Variants in BCAS3 observed in about 807,000 individuals in gnomAD.
BCAS3 encodes BCAS4/BCAS3 fusion.
Under a neutral mutation model 116.1 loss-of-function variants are expected in BCAS3, and 53 were observed. That is an observed-to-expected ratio of 0.46 (90% CI 0.37 to 0.57). BCAS3 has a LOEUF of 0.57. Among genes scored for constraint, BCAS3 ranks in the 20% least tolerant of loss-of-function variants. The probability of loss-of-function intolerance (pLI) is 0.00; values close to 1 mark genes in which losing one functional copy is unlikely to be tolerated. For missense variants in BCAS3, 917 were observed against 1,165.4 expected, an observed-to-expected ratio of 0.79 and a Z score of 3.10; for synonymous variants, 391 against 408.2, an observed-to-expected ratio of 0.96 and a Z score of 0.51.
At chr17:60,981,468 A>C (rs1203525651) in intron 14 of BCAS3, among the ~76,000 whole-genome samples, 1 of 151,994 alleles carries the variant, frequency 6.6e-6, no homozygotes, top group Non-Finnish European at 1.5e-5. Context: ...TTTTTAGTAG[A>C]GACAGGGTTT....
intron 22 of BCAS3, among the ~76,000 whole-genome samples, chr17:61,320,857 C>T (rs1264007382): frequency 6.6e-6 from 1 of 151,974 alleles, no homozygotes; most frequent in Non-Finnish European, 1.5e-5. Flanking sequence ...TCAGTCTGCC[C>T]GAAACACATG....
chr17:61,040,726 C>T, intron 18 of BCAS3, 66 bp from the exon 19 acceptor site: 3 of 1,281,528 alleles, frequency 2.3e-6, no homozygotes, highest in Admixed American at 1.7e-5. Context: ...TAAGTGATGA[C>T]AGTCATGGTG....
chr17:60,983,678 T>G (rs2062953065), intron 14 of BCAS3, among the ~76,000 whole-genome samples: 1 of 152,170 alleles, frequency 6.6e-6, no homozygotes, highest in African/African-American at 2.4e-5. Flanking sequence ...AAACTCCTTT[T>G]TATTGACAGA....
chr17:61,329,501 C>T (rs928243679), intron 22 of BCAS3, among the ~76,000 whole-genome samples: 22 of 151,908 alleles, frequency 1.4e-4, no homozygotes, highest in East Asian at 3.9e-4. Flanking sequence ...CCACCACGCC[C>T]GGCTAATTTT....
rs984079202 is a variant in BCAS3 at position 61,355,757 on chromosome 17, C to T, written c.2426-12570C>T. 6.6e-6 allele frequency among the ~76,000 whole-genome samples: 1 copy of T among 152,212 alleles called. No individual in the cohort carries two copies. Among genetic ancestry groups the T allele is most frequent in the Admixed American group, 6.5e-5 (1 of 15,274 alleles). On this transcript the variant is annotated intron_variant, in intron 22 of 23. Coordinates refer to ENST00000407086, the MANE Select transcript of BCAS3 (RefSeq NM_017679.5). The surrounding 1 kb of genome is among the most constrained non-coding windows in gnomAD (Gnocchi z 4.2). ...TTAGTTATCTTACCTTTCCTGATAC[C>T]TGACCACAGACTAATTATTTGGAAT...
At chr17:61,172,957 C>A (rs1017518443) in intron 22 of BCAS3, among the ~76,000 whole-genome samples, 1 of 151,316 alleles carries the variant, frequency 6.6e-6, no homozygotes, top group African/African-American at 2.4e-5. Flanking sequence ...CACTGCACTC[C>A]AGCCTGGGCG....
At chr17:60,806,635 C>T (rs2048311059) in intron 6 of BCAS3, among the ~76,000 whole-genome samples, 1 of 151,728 alleles carries the variant, frequency 6.6e-6, no homozygotes, top group Admixed American at 6.6e-5. Flanking sequence ...CACTGCAGCC[C>T]CCAACTCTGG....
chr17:61,193,379 C>T (rs934492395), intron 22 of BCAS3, among the ~76,000 whole-genome samples: 29 of 152,074 alleles, frequency 1.9e-4, no homozygotes, highest in African/African-American at 6.3e-4. Flanking sequence ...CAATACAAGG[C>T]GGGAAAGAAC....
intron 5 of BCAS3, among the ~76,000 whole-genome samples, chr17:60,718,722 A>G (rs114740553): frequency 0.031 from 4,741 of 152,172 alleles, 239 homozygotes; most frequent in African/African-American, 0.1. Context: ...TTGGCCATTT[A>G]TATATATTTT....
Position 61,249,676 on chromosome 17 carries a change from G to A in BCAS3, c.2426-118651G>A, listed in dbSNP as rs552478305. On this transcript the variant is annotated intron_variant, in intron 22 of 23. Coordinates refer to ENST00000407086, the MANE Select transcript of BCAS3 (RefSeq NM_017679.5). The surrounding 1 kb of genome is among the most constrained non-coding windows in gnomAD (Gnocchi z 6.2). ...TCTTTTTCTCGTGTTGTTTTAGGAA[G>A]CTCAGAATTATTTAGAAATACTTGT... is the stretch of plus-strand genomic sequence containing the variant. Among the ~76,000 whole-genome samples the A allele has an allele frequency of 6.6e-6, 1 of 152,082 alleles. No individual in the cohort carries two copies. The highest frequency in any genetic ancestry group is 1.5e-5 in the Non-Finnish European group (1 of 68,018).
At chr17:61,257,930 C>T (rs74484426) in intron 22 of BCAS3, among the ~76,000 whole-genome samples, 2,080 of 152,228 alleles carry the variant, frequency 0.014, 35 homozygotes, top group African/African-American at 0.047. Context: ...TCTTTCTTAC[C>T]TCCCACTTCT....
chr17:61,046,630 G>A (rs1433065769), intron 19 of BCAS3, among the ~76,000 whole-genome samples: 1 of 151,686 alleles, frequency 6.6e-6, no homozygotes, highest in Non-Finnish European at 1.5e-5. Flanking sequence ...GTCTAGACAT[G>A]TTCGGTAGAG....
At position 60,960,694 on chromosome 17, in the gene BCAS3, G is replaced by T. The variant is rs2061368993; in HGVS notation, c.1221+13342G>T. ...CATTCATACATTTTATTGAAGGGTA[G>T]CACAGGTTTGCACCTAGGTAGCTCT... is the stretch of plus-strand genomic sequence containing the variant. On this transcript the variant is annotated intron_variant, in intron 14 of 23. Transcript: ENST00000407086. This position sits in a 1 kb window ranked among gnomAD's most constrained non-coding sequence, Gnocchi z 4.1. Among the ~76,000 whole-genome samples the T allele has an allele frequency of 6.6e-6, 1 of 151,864 alleles. No individual in the cohort carries two copies. Among genetic ancestry groups the T allele is most frequent in the Non-Finnish European group, 1.5e-5 (1 of 68,002 alleles).
At chr17:60,745,051 A>G (rs2041915846) in intron 5 of BCAS3, among the ~76,000 whole-genome samples, 1 of 152,072 alleles carries the variant, frequency 6.6e-6, no homozygotes, top group Non-Finnish European at 1.5e-5. Context: ...TGAGTACAGC[A>G]GCTCATTTAA....
At chr17:61,271,904 A>G (rs2050313487) in intron 22 of BCAS3, among the ~76,000 whole-genome samples, 1 of 151,928 alleles carries the variant, frequency 6.6e-6, no homozygotes, top group African/African-American at 2.4e-5. Context: ...CACACTCCTG[A>G]GCCCAAGCAG....
At chr17:60,985,618 A>G (rs532146722) in intron 14 of BCAS3, among the ~76,000 whole-genome samples, 2 of 152,046 alleles carry the variant, frequency 1.3e-5, no homozygotes, top group African/African-American at 4.8e-5. Flanking sequence ...GATATTATCC[A>G]TTCTTTCTAT....
rs945826131 is a variant in BCAS3 at position 61,390,458 on chromosome 17, T to G, written c.2594-1519T>G. On this transcript the variant is annotated intron_variant, in intron 23 of 23. Transcript: ENST00000407086. This position sits in a 1 kb window ranked among gnomAD's most constrained non-coding sequence, Gnocchi z 6.8. ...TCAGGCCCTCGGTCCCTGTCCACAG[T>G]CCCATCCCCCTACTTTCCCCAATTT... The G allele has an allele frequency of 6.6e-6, 1 of 152,034 alleles. No homozygotes were observed. The highest frequency in any genetic ancestry group is 2.4e-5 in the African/African-American group (1 of 41,294). 9.4% of individuals were successfully genotyped at this position (152,034 alleles called of 1,614,324 possible).
intron 22 of BCAS3, among the ~76,000 whole-genome samples, chr17:61,155,877 T>C (rs1311292432): frequency 6.6e-6 from 1 of 152,208 alleles, no homozygotes; most frequent in African/African-American, 2.4e-5. Flanking sequence ...ATAACCCTCC[T>C]TCTTCCCTCT....
chr17:61,254,506 C>T lies in BCAS3; in HGVS notation c.2426-113821C>T, dbSNP rs543117537. On this transcript the variant is annotated intron_variant, in intron 22 of 23. Coordinates refer to ENST00000407086, the MANE Select transcript of BCAS3 (RefSeq NM_017679.5). ...AGATTAGAAAATTTATGGCGGGGCGCGGTGGCTCACGCCTGTAATCCTGGC... is the reference window on the plus strand; with the variant it reads ...AGATTAGAAAATTTATGGCGGGGCGTGGTGGCTCACGCCTGTAATCCTGGC... Among the ~76,000 whole-genome samples, 14 of 151,984 alleles carry T rather than the reference C, an allele frequency of 9.2e-5. No homozygotes were observed. The South Asian group carries it at 1.5e-3, about 16-fold the overall frequency.
Sources: gnomAD v4.1 joint callset for allele counts (sites outside exome capture counted in the v4.1 genomes callset) on GRCh38, gnomAD v4.1.1 for gene constraint, Gnocchi (gnomAD v3.1) non-coding constraint, MANE v1.5 for transcripts, NCBI Gene and HGNC (gene_info 2026-07-23, HGNC 2026-07-21) for gene names.